The following RNF34 variants were observed in gnomAD, a reference collection of about 807,000 sequenced individuals.
RNF34 encodes E3 ubiquitin-protein ligase RNF34.
Under a neutral mutation model 37.9 loss-of-function variants are expected in RNF34, and 12 were observed. That is an observed-to-expected ratio of 0.32 (90% CI 0.20 to 0.51). The LOEUF (loss-of-function observed/expected upper bound fraction) is 0.51, where lower values mean the gene tolerates loss of function less well. Among genes scored for constraint, RNF34 ranks in the 20% least tolerant of loss-of-function variants. RNF34 has a pLI of 0.97. For synonymous variants in RNF34, 155 were observed against 177.2 expected, an observed-to-expected ratio of 0.87 and a Z score of 1.00; for missense variants, 362 against 472.7, an observed-to-expected ratio of 0.77 and a Z score of 2.17.
Position 121,400,171 on chromosome 12 carries a change from G to A in RNF34, c.-42G>A, listed in dbSNP as rs1020005143. ...CAGTGTGAGGAGCTGCTATGGTGCT[G>A]AGTTTCCTGGTAGAGCCGGCCGAGC... On this transcript the variant is annotated 5_prime_UTR_variant, in exon 1 of 6. Transcript: ENST00000361234. The A allele has an allele frequency of 2.5e-6, 4 of 1,604,750 alleles. No individual in the cohort carries two copies. The highest frequency in any genetic ancestry group is 2.5e-6 in the Non-Finnish European group (3 of 1,177,738).
At chr12:121,421,535 TCAAAACAAAA>T (rs368894148) in intron 5 of RNF34, among the ~76,000 whole-genome samples, 3 of 152,112 alleles carry the variant, frequency 2.0e-5, no homozygotes, top group African/African-American at 4.8e-5. Flanking sequence ...CAAGACTGTC[TCAAAACAAAA>T]CAAAACAGAA....
intron 1 of RNF34, among the ~76,000 whole-genome samples, chr12:121,412,383 G>A (rs1392666779): frequency 4.6e-5 from 7 of 151,660 alleles, no homozygotes; most frequent in African/African-American, 1.7e-4. Flanking sequence ...GGGACTACAG[G>A]TGCCCGCCAC....
At chr12:121,401,697 G>A (rs1250045232) in intron 1 of RNF34, among the ~76,000 whole-genome samples, 1 of 152,096 alleles carries the variant, frequency 6.6e-6, no homozygotes, top group African/African-American at 2.4e-5. Flanking sequence ...ACTAGCTATC[G>A]AAGGAAAGAA....
At chr12:121,419,704 T>C (rs186729070) in intron 3 of RNF34, among the ~76,000 whole-genome samples, 1 of 152,322 alleles carries the variant, frequency 6.6e-6, no homozygotes, top group African/African-American at 2.4e-5. Context: ...TTCTAAAGTG[T>C]TCTGATTGAG....
intron 1 of RNF34, among the ~76,000 whole-genome samples, chr12:121,402,397 GTA>G (rs1870077234): frequency 6.6e-6 from 1 of 152,206 alleles, no homozygotes; most frequent in African/African-American, 2.4e-5. Context: ...GCTGGTTTTA[GTA>G]TATGTACGGA....
Position 121,416,348 on chromosome 12 carries a change from G to A in RNF34, c.196G>A (p.Gly66Arg), listed in dbSNP as rs781856945. 3 of 1,613,534 alleles carry A rather than the reference G, an allele frequency of 1.9e-6. No homozygotes were observed. Among genetic ancestry groups the A allele is most frequent in the Non-Finnish European group, 2.5e-6 (3 of 1,179,500 alleles). Reference protein sequence around the residue: ...EGPNIVCKACGLSFSVFRKKH... With the variant: ...EGPNIVCKACRLSFSVFRKKH... ...GCCCAACATAGTTTGTAAAGCCTGT[G>A]GGCTTTCATTTTCAGTCTTTAGAAA... The change falls in exon 2 of 6, where the codon GGG becomes AGG. Residue 66 changes from glycine to arginine, a missense_variant. By Grantham distance (125) the Gly-to-Arg change is moderately radical (BLOSUM62 -2). Coordinates refer to ENST00000361234, the MANE Select transcript of RNF34 (RefSeq NM_025126.4).
rs1438589389 is a variant in RNF34 at position 121,423,317 on chromosome 12, G to A, written c.929-69G>A. The A allele has an allele frequency of 1.2e-5, 16 of 1,325,460 alleles. No homozygotes were observed. Among genetic ancestry groups the A allele is most frequent in the East Asian group, 5.0e-5 (2 of 39,634 alleles). 82.1% of individuals were successfully genotyped at this position (1,325,460 alleles called of 1,614,324 possible). On this transcript the variant is annotated intron_variant, in intron 5 of 5. Coordinates refer to ENST00000361234, the MANE Select transcript of RNF34 (RefSeq NM_025126.4). The surrounding 1 kb of genome is among the most constrained non-coding windows in gnomAD (Gnocchi z 4.3). Reference sequence around the variant, plus strand: ...ATTCAGCAGGTGGCTGCTCAGCTTCGGACTGGGAGGGTGGCTGGCTGACTG... The same window carrying A: ...ATTCAGCAGGTGGCTGCTCAGCTTCAGACTGGGAGGGTGGCTGGCTGACTG...
At chr12:121,420,880 C>A in intron 5 of RNF34, 102 bp downstream of exon 5, 3 of 858,320 alleles carry the variant, frequency 3.5e-6, no homozygotes, top group Admixed American at 2.2e-5. Flanking sequence ...TTTGAGAAAG[C>A]TGTGTACCAT....
chr12:121,404,308 A>C (rs1870295233), intron 1 of RNF34, among the ~76,000 whole-genome samples: 1 of 145,258 alleles, frequency 6.9e-6, no homozygotes, highest in South Asian at 2.2e-4. Flanking sequence ...CACCTGGCCT[A>C]GTTGTCTGTT....
Position 121,423,174 on chromosome 12 carries a change from T to C in RNF34, c.929-212T>C, listed in dbSNP as rs1872311407. On this transcript the variant is annotated intron_variant, in intron 5 of 5. Transcript: ENST00000361234. This position sits in a 1 kb window ranked among gnomAD's most constrained non-coding sequence, Gnocchi z 4.3. The stretch of plus-strand genomic sequence containing the variant: ...TGGGTACGTCAAGCATTTTATTCTT[T>C]ACAAAACCCTGAGGTATAGCTTTTA... Among the ~76,000 whole-genome samples the C allele has an allele frequency of 6.6e-6, 1 of 152,262 alleles. No individual in the cohort carries two copies. Among genetic ancestry groups the C allele is most frequent in the South Asian group, 2.1e-4 (1 of 4,832 alleles).
intron 5 of RNF34, among the ~76,000 whole-genome samples, chr12:121,422,483 A>G (rs1555283551): frequency 6.6e-6 from 1 of 152,196 alleles, no homozygotes; most frequent in East Asian, 1.9e-4. Flanking sequence ...ATCTCATCCC[A>G]TAGATCCTTT....
At chr12:121,419,595 T>C (rs1249733664) in intron 3 of RNF34, among the ~76,000 whole-genome samples, 3 of 152,062 alleles carry the variant, frequency 2.0e-5, no homozygotes, top group Admixed American at 6.5e-5. Flanking sequence ...ATATTTGAAA[T>C]TGGGAACCGA....
At position 121,400,230 on chromosome 12, in the gene RNF34, G is replaced by C. The variant is rs782195428; in HGVS notation, c.6+12G>C. 3.1e-6 allele frequency: 5 copies of C among 1,608,686 alleles called. No homozygotes were observed. Among genetic ancestry groups the C allele is most frequent in the Non-Finnish European group, 4.2e-6 (5 of 1,178,542 alleles). On this transcript the variant is annotated intron_variant, in intron 1 of 5. Transcript: ENST00000361234. ...TCGCGGCCATGAAGGTGAGGGGCCG[G>C]TGGAGCCGGACAGACCCTCCTCGCC...
At position 121,419,085 on chromosome 12, in the gene RNF34, CTAA is replaced by C. The variant is rs139605920; in HGVS notation, c.634-1152_634-1150del. ...CCTTCTAGATATAGTCCTGTGTCCT[CTAA>C]TAATGTTTTGGTCAGTGATAGACCA... On this transcript the variant is annotated intron_variant, in intron 3 of 5. Transcript: ENST00000361234. Among the ~76,000 whole-genome samples, 1,039 of 152,286 alleles carry C rather than the reference CTAA, an allele frequency of 6.8e-3. 16 individuals are homozygous for C. Among genetic ancestry groups the C allele is most frequent in the African/African-American group, 0.024 (977 of 41,552 alleles).
At chr12:121,410,515 C>T (rs953433682) in intron 1 of RNF34, among the ~76,000 whole-genome samples, 1 of 144,884 alleles carries the variant, frequency 6.9e-6, no homozygotes, top group African/African-American at 2.6e-5. Flanking sequence ...CCATCCTGGG[C>T]AACAGAGCAA....
intron 4 of RNF34, 32 bp downstream of exon 4, chr12:121,420,366 A>G: frequency 6.4e-7 from 1 of 1,554,742 alleles, no homozygotes; most frequent in Non-Finnish European, 8.7e-7. Flanking sequence ...GGTTTCCCTG[A>G]CATGTCAGCC....
At chr12:121,415,280 A>T (rs1028522864) in intron 1 of RNF34, 22 of 376,028 alleles carry the variant, frequency 5.9e-5, no homozygotes, top group African/African-American at 4.5e-4. Flanking sequence ...ATAGTATATT[A>T]TACCCAATTA....
chr12:121,407,316 A>C (rs1164597788), intron 1 of RNF34, among the ~76,000 whole-genome samples: 3 of 152,222 alleles, frequency 2.0e-5, no homozygotes, highest in Admixed American at 2.0e-4. Context: ...CCAATGAACA[A>C]ATAATGGATG....
intron 1 of RNF34, chr12:121,405,114 G>A (rs868978158): frequency 6.6e-6 from 1 of 152,230 alleles, no homozygotes; most frequent in Admixed American, 6.5e-5. Context: ...GATTATTTAG[G>A]TTTGTATTCT....
Sources: gnomAD v4.1 joint callset for allele counts (sites outside exome capture counted in the v4.1 genomes callset) on GRCh38, gnomAD v4.1.1 for gene constraint, Gnocchi (gnomAD v3.1) non-coding constraint, MANE v1.5 for transcripts, NCBI Gene and HGNC (gene_info 2026-07-23, HGNC 2026-07-21) for gene names.